NUP210L: variants seen among roughly 807,000 people sequenced by gnomAD.
NUP210L encodes nucleoporin 210 like.
In NUP210L, 74 loss-of-function variants were observed where a neutral mutation model predicts 208.5. The ratio of observed to expected loss-of-function variants is 0.35; its 90% CI spans 0.29 to 0.43. NUP210L has a LOEUF of 0.43. NUP210L is among the 20% of genes least tolerant of loss of function. The pLI, the probability that NUP210L is intolerant of heterozygous loss-of-function variation, is 1.00. For synonymous variants in NUP210L, 780 were observed against 816.9 expected (o/e 0.95, Z 0.77); for missense variants, 1,843 against 2,289.4 (o/e 0.81, Z 3.98).
intron 9 of NUP210L, among the ~76,000 whole-genome samples, chr1:154,126,836 C>T (rs536563886): frequency 2.0e-5 from 3 of 151,982 alleles, no homozygotes; most frequent in Non-Finnish European, 4.4e-5. Flanking sequence ...ACTCTGGTAA[C>T]CATCTAGGAT....
At chr1:154,075,322 A>G (rs547285546) in intron 16 of NUP210L, among the ~76,000 whole-genome samples, 106 of 152,312 alleles carry the variant, frequency 7.0e-4, no homozygotes, top group African/African-American at 2.3e-3. Context: ...GTATACATAT[A>G]TATACACACA....
chr1:153,995,016 A>C, intron 38 of NUP210L, 60 bp downstream of exon 38: 2 of 1,134,014 alleles, frequency 1.8e-6, no homozygotes, highest in Non-Finnish European at 2.5e-6. Context: ...CATCTCAAAA[A>C]AAAAAAAAAA....
intron 35 of NUP210L, among the ~76,000 whole-genome samples, chr1:154,003,567 A>G (rs1207938518): frequency 6.6e-6 from 1 of 152,008 alleles, no homozygotes; most frequent in Non-Finnish European, 1.5e-5. Flanking sequence ...CAGTGGCACA[A>G]TCACAACTCA....
intron 27 of NUP210L, among the ~76,000 whole-genome samples, chr1:154,043,797 T>A (rs12074450): frequency 0.015 from 2,262 of 151,758 alleles, 55 homozygotes; most frequent in African/African-American, 0.051. Flanking sequence ...CAGCTAAATT[T>A]TGTATTTTTA....
chr1:154,003,625 TA>T (rs1188568972), intron 35 of NUP210L, among the ~76,000 whole-genome samples: 1 of 152,134 alleles, frequency 6.6e-6, no homozygotes, highest in African/African-American at 2.4e-5. Context: ...GCCTCAGAGC[TA>T]GGGCTACAGG....
At chr1:154,039,962 G>A (rs1652775360) in intron 27 of NUP210L, 1 of 152,110 alleles carries the variant, frequency 6.6e-6, no homozygotes, top group South Asian at 2.1e-4. Context: ...CTTGCGCAAG[G>A]GACATGCTAA....
chr1:154,142,585 T>G (rs189179526), intron 3 of NUP210L, among the ~76,000 whole-genome samples: 7 of 152,056 alleles, frequency 4.6e-5, no homozygotes, highest in African/African-American at 1.7e-4. Flanking sequence ...CAGTGGTAGA[T>G]TTGGGTATCT....
At chr1:154,018,082 G>A (rs1368006576) in intron 33 of NUP210L, among the ~76,000 whole-genome samples, 7 of 150,274 alleles carry the variant, frequency 4.7e-5, no homozygotes, top group Admixed American at 1.3e-4. Flanking sequence ...AGAGATTCTC[G>A]TGCTTCAGCC....
chr1:154,023,876 C>T (rs1305038928), intron 30 of NUP210L, among the ~76,000 whole-genome samples: 2 of 151,876 alleles, frequency 1.3e-5, no homozygotes, highest in Non-Finnish European at 2.9e-5. Flanking sequence ...GCAACCTCCG[C>T]CTCCTGGGTT....
In NUP210L at chr1:154,143,430, C is replaced by T; in HGVS notation, c.472+16G>A. On this transcript the variant is annotated intron_variant, in intron 3 of 39. Transcript: ENST00000368559. ...TTATTTTAGGTAATTTTGTTGAATCCTCTGAAGTTCTTTACCTTCAGCATC... is the reference window on the plus strand; with the variant it reads ...TTATTTTAGGTAATTTTGTTGAATCTTCTGAAGTTCTTTACCTTCAGCATC... 1 of 1,607,848 alleles carries T rather than the reference C, an allele frequency of 6.2e-7. No individual in the cohort carries two copies. The highest frequency in any genetic ancestry group is 1.1e-5 in the South Asian group (1 of 89,656).
intron 16 of NUP210L, among the ~76,000 whole-genome samples, chr1:154,081,132 T>C (rs1655302915): frequency 6.6e-6 from 1 of 152,016 alleles, no homozygotes; most frequent in Admixed American, 6.6e-5. Context: ...AAATAAATTT[T>C]ATGTTCCATG....
intron 15 of NUP210L, among the ~76,000 whole-genome samples, chr1:154,091,569 C>T (rs553046097): frequency 1.4e-4 from 20 of 145,762 alleles, no homozygotes; most frequent in African/African-American, 4.8e-4. Context: ...GGCATGATCT[C>T]GGCTCACTGC....
At chr1:154,143,332 T>C in intron 3 of NUP210L, 114 bp downstream of exon 3, 1 of 777,718 alleles carries the variant, frequency 1.3e-6, no homozygotes, top group Non-Finnish European at 2.1e-6. Flanking sequence ...AATGAGAAAA[T>C]AGATATTACT....
chr1:154,127,974 C>T (rs2148119826), intron 8 of NUP210L, among the ~76,000 whole-genome samples: 1 of 152,232 alleles, frequency 6.6e-6, no homozygotes, highest in African/African-American at 2.4e-5. Context: ...GGTGATCCTT[C>T]TACCTTAGTC....
At chr1:154,108,669 G>A (rs1009955552) in intron 12 of NUP210L, among the ~76,000 whole-genome samples, 1 of 151,654 alleles carries the variant, frequency 6.6e-6, no homozygotes, top group Non-Finnish European at 1.5e-5. Flanking sequence ...AGGAAGGAAG[G>A]ACAGAAGGAA....
intron 2 of NUP210L, among the ~76,000 whole-genome samples, chr1:154,146,386 AG>A (rs1372998309): frequency 6.6e-6 from 1 of 152,198 alleles, no homozygotes; most frequent in African/African-American, 2.4e-5. Context: ...CTAGTTAATA[AG>A]TATGGAATAT....
chr1:153,998,738 G>A (rs1650044931), intron 37 of NUP210L, among the ~76,000 whole-genome samples: 1 of 117,786 alleles, frequency 8.5e-6, no homozygotes, highest in South Asian at 2.7e-4. Flanking sequence ...TTTAATTCCT[G>A]AGACAGGGTC....
At chr1:153,995,011 CAAAAAAA>C in intron 38 of NUP210L, 58 bp downstream of exon 38, 2 of 723,590 alleles carry the variant, frequency 2.8e-6, no homozygotes, top group Non-Finnish European at 2.1e-6. Context: ...AACTCCATCT[CAAAAAAA>C]AAAAAAAAAA....
chr1:154,040,570 C>G (rs1282380654), intron 27 of NUP210L, among the ~76,000 whole-genome samples: 2 of 151,698 alleles, frequency 1.3e-5, no homozygotes, highest in Non-Finnish European at 1.5e-5. Flanking sequence ...TTCTGGCAAG[C>G]CTCCCTAAGA....
Sources: allele counts gnomAD v4.1 joint callset (sites outside exome capture counted in the v4.1 genomes callset), GRCh38; gene constraint gnomAD v4.1.1; transcripts MANE v1.5; gene names NCBI Gene and HGNC (gene_info 2026-07-23, HGNC 2026-07-21).